ADAM10: variants seen among roughly 807,000 people sequenced by gnomAD.
ADAM10 encodes disintegrin and metalloproteinase domain-containing protein 10.
Under a neutral mutation model 90.1 loss-of-function variants are expected in ADAM10, and 17 were observed. That is an observed-to-expected ratio of 0.19 (90% confidence interval 0.13 to 0.28). The LOEUF is 0.28. Among genes scored for constraint, ADAM10 ranks in the 10% least tolerant of loss-of-function variants. The pLI, the probability that ADAM10 is intolerant of heterozygous loss-of-function variation, is 1.00. For synonymous variants in ADAM10, 310 were observed against 298.6 expected, an observed-to-expected ratio of 1.04 and a Z score of -0.40; for missense variants, 610 against 914.3, an observed-to-expected ratio of 0.67 and a Z score of 4.29.
At position 58,682,326 on chromosome 15, in the gene ADAM10, G is replaced by C. The variant is rs199914781; in HGVS notation, c.207-12C>G. ...GTAGGTTGAAATGTCTGTAAAATGG[G>C]ATGGGAAGGGGGAACAACTGAAATT... is the stretch of plus-strand genomic sequence containing the variant. On this transcript the variant is annotated splice_polypyrimidine_tract_variant and intron_variant, in intron 2 of 15. Coordinates refer to ENST00000260408, the MANE Select transcript of ADAM10 (RefSeq NM_001110.4). 6.2e-7 allele frequency: 1 copy of C among 1,608,822 alleles called. No individual in the cohort carries two copies. The highest frequency in any genetic ancestry group is 1.3e-5 in the African/African-American group (1 of 74,738).
intron 8 of ADAM10, among the ~76,000 whole-genome samples, chr15:58,635,805 G>T (rs1236023753): frequency 2.0e-5 from 3 of 148,108 alleles, no homozygotes; most frequent in Admixed American, 1.4e-4. Flanking sequence ...AAAAAAAAAA[G>T]TAAATAGGCA....
chr15:58,737,953 C>T (rs1215311338), intron 1 of ADAM10, among the ~76,000 whole-genome samples: 2 of 151,996 alleles, frequency 1.3e-5, no homozygotes, highest in African/African-American at 4.8e-5. Flanking sequence ...CTATCTATAC[C>T]CAAAAAGTTG....
chr15:58,639,601 G>T (rs1431814336), intron 8 of ADAM10, among the ~76,000 whole-genome samples: 1 of 152,114 alleles, frequency 6.6e-6, no homozygotes, highest in Non-Finnish European at 1.5e-5. Context: ...TATCATAAAA[G>T]ACAAATATCC....
intron 10 of ADAM10, among the ~76,000 whole-genome samples, chr15:58,622,341 C>T (rs62002363): frequency 3.9e-5 from 6 of 152,322 alleles, no homozygotes; most frequent in Admixed American, 3.9e-4. Context: ...CAATTTGTTG[C>T]TGTGAATCAA....
chr15:58,688,549 C>A (rs1030914807), intron 2 of ADAM10, among the ~76,000 whole-genome samples: 1 of 150,718 alleles, frequency 6.6e-6, no homozygotes, highest in African/African-American at 2.4e-5. Flanking sequence ...TGAATGATAA[C>A]GGAATTAGCA....
intron 4 of ADAM10, among the ~76,000 whole-genome samples, chr15:58,669,345 T>C (rs2140734700): frequency 6.6e-6 from 1 of 152,322 alleles, no homozygotes; most frequent in Middle Eastern, 3.4e-3. Context: ...GTCAGTCATA[T>C]GATCAATGAC....
chr15:58,685,160 TAAAA>T (rs140613738), intron 2 of ADAM10, among the ~76,000 whole-genome samples: 4 of 119,108 alleles, frequency 3.4e-5, no homozygotes, highest in African/African-American at 5.9e-5. Context: ...TTATATTAAG[TAAAA>T]AAAAAAAAAA....
chr15:58,638,542 G>A (rs1026960079), intron 8 of ADAM10, among the ~76,000 whole-genome samples: 3 of 151,092 alleles, frequency 2.0e-5, no homozygotes, highest in Non-Finnish European at 4.4e-5. Context: ...GTGAACCCGG[G>A]AGGTGGAGGT....
intron 2 of ADAM10, among the ~76,000 whole-genome samples, chr15:58,710,004 C>A (rs567122686): frequency 1.6e-4 from 25 of 152,188 alleles, no homozygotes; most frequent in African/African-American, 5.3e-4. Flanking sequence ...TAAAATAGGC[C>A]AGGTGCAGTG....
Position 58,621,583 on chromosome 15 carries a change from G to C in ADAM10, c.1399C>G (p.Gln467Glu). 1.2e-6 allele frequency: 2 copies of C among 1,614,016 alleles called. No individual in the cohort carries two copies. The highest frequency in any genetic ancestry group is 1.7e-6 in the Non-Finnish European group (2 of 1,180,002). Residue 467 changes from glutamine (Q) to glutamate (E), a missense_variant, in exon 11 of 16, where the codon CAA (glutamine) becomes GAA (glutamate). Coordinates refer to ENST00000260408, the MANE Select transcript of ADAM10 (RefSeq NM_001110.4). ...QPICGNGMVE[Q>E]GEECDCGYSD... ...TAGCCACAATCACATTCTTCACCTTGTTCTACCATTCCATTTCCACAAATA... is the reference window on the plus strand; with the variant it reads ...TAGCCACAATCACATTCTTCACCTTCTTCTACCATTCCATTTCCACAAATA...
At chr15:58,728,584 AAAAAAAGAAAAG>A (rs1899119883) in intron 1 of ADAM10, among the ~76,000 whole-genome samples, 1 of 152,106 alleles carries the variant, frequency 6.6e-6, no homozygotes, top group Non-Finnish European at 1.5e-5. Flanking sequence ...TATTTTTTAA[AAAAAAAGAAAAG>A]AAAAAAGAAA....
At chr15:58,672,691 A>AT (rs1434015775) in intron 4 of ADAM10, 3 of 151,800 alleles carry the variant, frequency 2.0e-5, no homozygotes, top group Admixed American at 6.6e-5. Context: ...GATATGGTGC[A>AT]TATGACAAGC....
At chr15:58,669,353 G>C (rs530109528) in intron 4 of ADAM10, among the ~76,000 whole-genome samples, 2 of 152,088 alleles carry the variant, frequency 1.3e-5, no homozygotes, top group Non-Finnish European at 2.9e-5. Context: ...TATGATCAAT[G>C]ACCAGTAAAC....
intron 2 of ADAM10, chr15:58,686,494 C>T: frequency 1.4e-6 from 2 of 1,421,908 alleles, no homozygotes; most frequent in South Asian, 1.2e-5. Context: ...GGATCAATGT[C>T]TCTCAGGCAG....
At chr15:58,614,436 G>C (rs8036005) in intron 11 of ADAM10, among the ~76,000 whole-genome samples, 41,618 of 152,050 alleles carry the variant, frequency 0.27, 7,790 homozygotes, top group African/African-American at 0.52. Flanking sequence ...CAAGAGGAAA[G>C]TATCAAGTCA....
chr15:58,629,892 G>A (rs1288778419), intron 9 of ADAM10, among the ~76,000 whole-genome samples: 1 of 151,914 alleles, frequency 6.6e-6, no homozygotes, highest in Non-Finnish European at 1.5e-5. Flanking sequence ...TTAGCTTCTC[G>A]AGTAGCTGGG....
chr15:58,624,387 T>C (rs1204986081), intron 10 of ADAM10, among the ~76,000 whole-genome samples: 1 of 152,234 alleles, frequency 6.6e-6, no homozygotes, highest in Non-Finnish European at 1.5e-5. Context: ...AATTTTATAA[T>C]TCACATGACA....
At chr15:58,659,697 G>A (rs1215744792) in intron 5 of ADAM10, among the ~76,000 whole-genome samples, 16 of 152,126 alleles carry the variant, frequency 1.1e-4, no homozygotes, top group African/African-American at 3.9e-4. Context: ...GACTATCAAA[G>A]TAACACTGCC....
At chr15:58,740,325 C>T (rs1215476295) in intron 1 of ADAM10, among the ~76,000 whole-genome samples, 2 of 151,880 alleles carry the variant, frequency 1.3e-5, no homozygotes, top group African/African-American at 4.8e-5. Flanking sequence ...ACAAAAATCG[C>T]TTAAACCCAG....
Sources: gnomAD v4.1 joint callset for allele counts (sites outside exome capture counted in the v4.1 genomes callset) on GRCh38, gnomAD v4.1.1 for gene constraint, MANE v1.5 for transcripts, NCBI Gene and HGNC (gene_info 2026-07-23, HGNC 2026-07-21) for gene names.